The following BGN variants were observed in gnomAD, a reference collection of about 807,000 sequenced individuals.
BGN encodes the protein biglycan, also known as bone/cartilage proteoglycan-I.
In BGN, 6 loss-of-function variants were observed where a neutral mutation model predicts 20.0. That is an observed-to-expected ratio of 0.30 (90% CI 0.16 to 0.59). BGN has a LOEUF of 0.59. BGN is among the 20% of genes least tolerant of loss of function. BGN has a pLI of 0.88. For missense variants in BGN, 292 were observed against 312.1 expected (o/e 0.94, Z 0.49); for synonymous variants, 146 against 134.6 (o/e 1.08, Z -0.59).
intron 1 of BGN, among the ~76,000 whole-genome samples, chrX:153,501,018 G>T (rs1252311914): frequency 9.0e-6 from 1 of 111,627 alleles, no homozygotes; most frequent in Non-Finnish European, 1.9e-5. Flanking sequence ...GTATAGGTGT[G>T]TGCACGTATA....
intron 2 of BGN, among the ~76,000 whole-genome samples, 162 bp from the exon 3 acceptor site, chrX:153,505,076 G>A (rs1195578039): frequency 9.0e-6 from 1 of 111,270 alleles, no homozygotes; most frequent in African/African-American, 3.3e-5. Context: ...GTCCCTGTGT[G>A]TGTGTCCCCG....
In BGN at chrX:153,507,195, G is replaced by C. The variant is rs782801427; in HGVS notation, c.909+10G>C. 4.2e-6 allele frequency: 5 copies of C among 1,188,417 alleles called. No individual in the cohort carries two copies. The highest frequency in any genetic ancestry group is 4.5e-6 in the Non-Finnish European group (4 of 882,340). On this transcript the variant is annotated intron_variant, in intron 7 of 7. Coordinates refer to ENST00000331595, the MANE Select transcript of BGN (RefSeq NM_001711.6). ...CCTCAAGCTCCTCCAGGTGAGAGCT[G>C]GGCATGCACAGCCAGGTTCCCTAAG...
chrX:153,495,852 T>C (rs1389067530), intron 1 of BGN, among the ~76,000 whole-genome samples: 1 of 112,923 alleles, frequency 8.9e-6, no homozygotes, highest in African/African-American at 3.2e-5. Flanking sequence ...GCCCTGTCTG[T>C]TTCCAGGACC....
chrX:153,500,698 GGTAT>G lies in BGN; in HGVS notation c.-11-3908_-11-3905del, dbSNP rs782386443. Among the ~76,000 whole-genome samples the G allele has an allele frequency of 3.1e-3, 344 of 111,158 alleles. 1 individual carries two copies. Among genetic ancestry groups the G allele is most frequent in the Non-Finnish European group, 5.1e-3 (270 of 52,669 alleles). Reference sequence around the variant, plus strand: ...GCGTGTATACAGGTGTATATGTGCAGGTATGTATGTATGTATGTGTGCATGTATG... The same window carrying G: ...GCGTGTATACAGGTGTATATGTGCAGGTATGTATGTATGTGTGCATGTATG... On this transcript the variant is annotated intron_variant, in intron 1 of 7. Coordinates refer to ENST00000331595, the MANE Select transcript of BGN (RefSeq NM_001711.6).
chrX:153,496,929 C>G (rs1051282963), intron 1 of BGN, among the ~76,000 whole-genome samples: 17 of 104,603 alleles, frequency 1.6e-4, no homozygotes, highest in Non-Finnish European at 3.3e-4. Context: ...CCCCACCTGC[C>G]GTCTCCTGTG....
chrX:153,496,919 C>T (rs7055242), intron 1 of BGN, among the ~76,000 whole-genome samples: 1,928 of 104,525 alleles, frequency 0.018, 59 homozygotes, highest in African/African-American at 0.066. Flanking sequence ...ATGAGGACCT[C>T]CCCACCTGCC....
At chrX:153,505,402 G>A (rs1556992848) in intron 3 of BGN, 52 bp downstream of exon 3, 4 of 1,029,856 alleles carry the variant, frequency 3.9e-6, no homozygotes, top group African/African-American at 3.8e-5. Flanking sequence ...AGGGGTCCGG[G>A]TGGGTGCATG....
chrX:153,500,197 C>T (rs992842287), intron 1 of BGN, among the ~76,000 whole-genome samples: 1 of 113,085 alleles, frequency 8.8e-6, no homozygotes, highest in Non-Finnish European at 1.9e-5. Flanking sequence ...CAGAGGACTG[C>T]GCTAGCTTTC....
chrX:153,505,080 GTCCCCGGTCCTCCCTACCA>G (rs782180350), intron 2 of BGN, among the ~76,000 whole-genome samples, 139 bp from the exon 3 acceptor site: 59 of 111,160 alleles, frequency 5.3e-4, no homozygotes, highest in Non-Finnish European at 1.1e-3. Context: ...CTGTGTGTGT[GTCCCCGGTCCTCCCTACCA>G]GTGGGGCTAG....
At chrX:153,503,507 G>A (rs782773305) in intron 1 of BGN, among the ~76,000 whole-genome samples, 1 of 112,464 alleles carries the variant, frequency 8.9e-6, no homozygotes, top group Non-Finnish European at 1.9e-5. Context: ...GGAAGGTGAG[G>A]CTGGGATGAG....
At chrX:153,504,511 C>T (rs2089784173) in intron 1 of BGN, 110 bp from the exon 2 acceptor site, 1 of 664,586 alleles carries the variant, frequency 1.5e-6, no homozygotes, top group Non-Finnish European at 2.2e-6. Context: ...TCTGGCCGTC[C>T]CTGGTGAGGG....
intron 1 of BGN, among the ~76,000 whole-genome samples, chrX:153,497,207 G>GC (rs2089724293): frequency 9.5e-6 from 1 of 105,404 alleles, no homozygotes; most frequent in Non-Finnish European, 2.0e-5. Context: ...GCCGCACGTT[G>GC]CCCCCCTAGC....
chrX:153,497,166 A>C (rs1602971816), intron 1 of BGN, among the ~76,000 whole-genome samples: 3 of 84,093 alleles, frequency 3.6e-5, no homozygotes, highest in African/African-American at 9.3e-5. Flanking sequence ...ACCCCCTCCC[A>C]CTCATCTGTG....
At chrX:153,497,200 G>A (rs969209870) in intron 1 of BGN, among the ~76,000 whole-genome samples, 1 of 104,574 alleles carries the variant, frequency 9.6e-6, no homozygotes, top group African/African-American at 3.5e-5. Context: ...GGTCCCTGCC[G>A]CACGTTGCCC....
intron 7 of BGN, 118 bp downstream of exon 7, chrX:153,507,303 A>G (rs1246619665): frequency 1.1e-6 from 1 of 947,052 alleles, no homozygotes; most frequent in African/African-American, 2.0e-5. Flanking sequence ...GGGCATCTGC[A>G]AGGGAGCGGT....
chrX:153,503,376 G>A (rs2089774758), intron 1 of BGN, among the ~76,000 whole-genome samples: 1 of 112,405 alleles, frequency 8.9e-6, no homozygotes, highest in Non-Finnish European at 1.9e-5. Context: ...GCGTGCGACT[G>A]CTTCAGGTCT....
chrX:153,503,036 G>A (rs1023648614), intron 1 of BGN, among the ~76,000 whole-genome samples: 1 of 112,838 alleles, frequency 8.9e-6, no homozygotes, highest in African/African-American at 3.2e-5. Flanking sequence ...GCATGGGGGC[G>A]ACAGGACAGG....
intron 3 of BGN, 59 bp downstream of exon 3, chrX:153,505,409 C>T (rs1291093960): frequency 2.0e-6 from 2 of 1,001,333 alleles, no homozygotes; most frequent in Non-Finnish European, 2.8e-6. Context: ...CGGGTGGGTG[C>T]ATGTGCGTGG....
chrX:153,498,945 G>T (rs1339854816), intron 1 of BGN, among the ~76,000 whole-genome samples: 2 of 111,909 alleles, frequency 1.8e-5, no homozygotes, highest in Non-Finnish European at 3.8e-5. Flanking sequence ...AAGCGTGTCA[G>T]CTTTGGGGCC....
Sources: allele counts gnomAD v4.1 joint callset (sites outside exome capture counted in the v4.1 genomes callset), GRCh38; gene constraint gnomAD v4.1.1; transcripts MANE v1.5; gene names NCBI Gene and HGNC (gene_info 2026-07-23, HGNC 2026-07-21).